Variants in NARS2 observed in about 807,000 individuals in gnomAD.
NARS2 encodes the protein asparaginyl-tRNA synthetase 2, mitochondrial, also known as asparaginyl-tRNA synthetase.
In NARS2, 60 loss-of-function variants were observed where a neutral mutation model predicts 62.9. The ratio of observed to expected loss-of-function variants is 0.95; its 90% CI spans 0.77 to 1.18. The LOEUF (loss-of-function observed/expected upper bound fraction) is 1.18. Ranked by LOEUF, NARS2 falls within the 50% of genes most tolerant of loss-of-function variation. NARS2 has a pLI of 0.00. For synonymous variants in NARS2, 196 were observed against 200.0 expected, an observed-to-expected ratio of 0.98 and a Z score of 0.17; for missense variants, 619 against 576.4, an observed-to-expected ratio of 1.07 and a Z score of -0.76.
intron 11 of NARS2, among the ~76,000 whole-genome samples, chr11:78,450,726 A>G (rs1857943526): frequency 1.4e-5 from 2 of 142,278 alleles, no homozygotes; most frequent in Admixed American, 7.3e-5. Context: ...CCAGGCTGGA[A>G]TGCAGTGGTG....
chr11:78,485,253 G>A (rs1363022575), intron 7 of NARS2, among the ~76,000 whole-genome samples: 1 of 152,014 alleles, frequency 6.6e-6, no homozygotes, highest in Non-Finnish European at 1.5e-5. Flanking sequence ...GGGACAAGGG[G>A]AGGGAGAGCA....
At chr11:78,479,836 T>C (rs1207701509) in intron 7 of NARS2, among the ~76,000 whole-genome samples, 1 of 152,166 alleles carries the variant, frequency 6.6e-6, no homozygotes, top group Non-Finnish European at 1.5e-5. Flanking sequence ...TAACCAGATA[T>C]AGGAAAACAC....
intron 4 of NARS2, 151 bp from the exon 5 acceptor site, chr11:78,559,770 T>C (rs1856493546): frequency 5.2e-6 from 3 of 572,452 alleles, no homozygotes; most frequent in Non-Finnish European, 9.2e-6. Flanking sequence ...TGAAAATCAG[T>C]TGAGTGTTTT....
intron 2 of NARS2, among the ~76,000 whole-genome samples, chr11:78,569,545 T>A (rs1297108665): frequency 6.6e-6 from 1 of 152,184 alleles, no homozygotes; most frequent in East Asian, 1.9e-4. Flanking sequence ...AATATAGCAA[T>A]ACAATAAATT....
intron 11 of NARS2, among the ~76,000 whole-genome samples, chr11:78,453,952 A>T (rs576999976): frequency 2.0e-5 from 3 of 152,356 alleles, no homozygotes; most frequent in Admixed American, 2.0e-4. Flanking sequence ...AATGGCTTCA[A>T]AGGAATGAAA....
intron 3 of NARS2, 71 bp from the exon 4 acceptor site, chr11:78,566,343 AT>A (rs754810376): frequency 3.1e-6 from 4 of 1,299,390 alleles, no homozygotes; most frequent in Non-Finnish European, 4.1e-6. Flanking sequence ...TTTCCAGGGT[AT>A]TTCTTAAATA....
At chr11:78,565,013 A>C (rs1856696725) in intron 4 of NARS2, among the ~76,000 whole-genome samples, 1 of 152,192 alleles carries the variant, frequency 6.6e-6, no homozygotes, top group East Asian at 1.9e-4. Context: ...GTGGATCTGG[A>C]GAAGTACCAC....
intron 6 of NARS2, among the ~76,000 whole-genome samples, chr11:78,502,156 G>C (rs998776321): frequency 1.3e-5 from 2 of 152,230 alleles, no homozygotes; most frequent in African/African-American, 4.8e-5. Flanking sequence ...GTGGTTGCCA[G>C]GGATTGGGTG....
At chr11:78,460,766 A>C (rs1012709656) in intron 11 of NARS2, among the ~76,000 whole-genome samples, 1 of 152,204 alleles carries the variant, frequency 6.6e-6, no homozygotes, top group Non-Finnish European at 1.5e-5. Context: ...TGAGATATGT[A>C]AATGGCAGTC....
chr11:78,567,597 G>A (rs559107939), intron 3 of NARS2, among the ~76,000 whole-genome samples: 1 of 152,038 alleles, frequency 6.6e-6, no homozygotes, highest in African/African-American at 2.4e-5. Flanking sequence ...TTACGCTCTT[G>A]ATTTCCAAAT....
At position 78,548,196 on chromosome 11, in the gene NARS2, G is replaced by A. The variant is rs184900117; in HGVS notation, c.594+11343C>T. On this transcript the variant is annotated intron_variant, in intron 5 of 13. Transcript: ENST00000281038. ...TGCAAGTGCATGCACTCCAGCCTGGGTGACAGCAAAACTGTGACTCAAAAA... is the reference window on the plus strand; with the variant it reads ...TGCAAGTGCATGCACTCCAGCCTGGATGACAGCAAAACTGTGACTCAAAAA... 1.5e-4 allele frequency among the ~76,000 whole-genome samples: 23 copies of A among 152,280 alleles called. No homozygotes were observed. The East Asian group carries it at 4.0e-3, about 27-fold the overall frequency.
At chr11:78,457,590 T>C (rs2135183218) in intron 11 of NARS2, among the ~76,000 whole-genome samples, 1 of 152,340 alleles carries the variant, frequency 6.6e-6, no homozygotes, top group African/African-American at 2.4e-5. Context: ...ATTTGAATAG[T>C]TTAGCTCTGA....
intron 6 of NARS2, among the ~76,000 whole-genome samples, chr11:78,522,467 A>G (rs1016993272): frequency 6.6e-6 from 1 of 152,236 alleles, no homozygotes; most frequent in African/African-American, 2.4e-5. Context: ...AATAATTTAT[A>G]AGAATTTGGA....
At chr11:78,560,219 A>T (rs1305564650) in intron 4 of NARS2, among the ~76,000 whole-genome samples, 1 of 152,204 alleles carries the variant, frequency 6.6e-6, no homozygotes, top group Non-Finnish European at 1.5e-5. Context: ...CTGTCATTAA[A>T]CTGATGGCAC....
chr11:78,504,589 A>G (rs1860418289), intron 6 of NARS2, among the ~76,000 whole-genome samples: 1 of 152,214 alleles, frequency 6.6e-6, no homozygotes, highest in Non-Finnish European at 1.5e-5. Flanking sequence ...AAGGAAAACC[A>G]TGACTGAATT....
chr11:78,455,792 G>A lies in NARS2; in HGVS notation c.1164+10084C>T, dbSNP rs576182407. 2.6e-5 allele frequency among the ~76,000 whole-genome samples: 4 copies of A among 152,002 alleles called. No homozygotes were observed. The East Asian group carries it at 7.7e-4, about 29-fold the overall frequency. ...AGCCTAGCTTCAATACCTGCTAGCG[G>A]TGTGATTTTGCATGAGTGACTATAC... is the stretch of plus-strand genomic sequence containing the variant. On this transcript the variant is annotated intron_variant, in intron 11 of 13. Coordinates refer to ENST00000281038, the MANE Select transcript of NARS2 (RefSeq NM_024678.6).
intron 1 of NARS2, among the ~76,000 whole-genome samples, chr11:78,572,508 C>T (rs1240609401): frequency 6.6e-6 from 1 of 152,102 alleles, no homozygotes; most frequent in East Asian, 1.9e-4. Flanking sequence ...ATAATTCTGC[C>T]CCATCCCCAG....
chr11:78,541,284 C>G (rs1855607575), intron 5 of NARS2, among the ~76,000 whole-genome samples: 1 of 151,908 alleles, frequency 6.6e-6, no homozygotes, highest in South Asian at 2.1e-4. Flanking sequence ...GTTGTAGAAT[C>G]CAGGTTTCTC....
At chr11:78,573,576 T>C (rs570019791) in intron 1 of NARS2, 1 of 152,208 alleles carries the variant, frequency 6.6e-6, no homozygotes, top group Non-Finnish European at 1.5e-5. Context: ...AGCAACCTAA[T>C]AAGAAACAGT....
Sources: gnomAD v4.1 joint callset for allele counts (sites outside exome capture counted in the v4.1 genomes callset) on GRCh38, gnomAD v4.1.1 for gene constraint, MANE v1.5 for transcripts, NCBI Gene and HGNC (gene_info 2026-07-23, HGNC 2026-07-21) for gene names.